CEP128: variants seen among roughly 807,000 people sequenced by gnomAD.
CEP128 encodes centrosomal protein 128, also known as centrosomal protein 128kDa.
CEP128 carries 132 observed loss-of-function variants against 156.7 expected under a neutral mutation model. The observed-to-expected ratio is 0.84, with a 90% CI of 0.73 to 0.97. The LOEUF is 0.97. Ranked by LOEUF, CEP128 falls within the 50% of genes least tolerant of loss-of-function variation. The pLI is 0.00. For missense variants in CEP128, 1,252 were observed against 1,281.9 expected (o/e 0.98, Z 0.36); for synonymous variants, 469 against 448.9 (o/e 1.04, Z -0.57).
chr14:80,674,202 C>T (rs1365269913), intron 19 of CEP128, among the ~76,000 whole-genome samples: 1 of 151,606 alleles, frequency 6.6e-6, no homozygotes, highest in Non-Finnish European at 1.5e-5. Flanking sequence ...TCTCTGAACC[C>T]AAGGAGATAA....
At chr14:80,680,466 C>T (rs927598355) in intron 19 of CEP128, among the ~76,000 whole-genome samples, 3 of 152,092 alleles carry the variant, frequency 2.0e-5, no homozygotes, top group African/African-American at 7.2e-5. Flanking sequence ...TCACCTGGTT[C>T]AGCAGCCAGT....
intron 19 of CEP128, among the ~76,000 whole-genome samples, chr14:80,704,397 TTA>T (rs1192170033): frequency 2.2e-4 from 33 of 152,164 alleles, no homozygotes; most frequent in African/African-American, 7.5e-4. Context: ...TTAAAAAAGT[TTA>T]TGAGTGTAAA....
chr14:80,653,336 T>TA (rs960387258), intron 19 of CEP128, among the ~76,000 whole-genome samples: 2 of 150,098 alleles, frequency 1.3e-5, no homozygotes, highest in African/African-American at 4.9e-5. Flanking sequence ...AGTTTAATAA[T>TA]AAAAAAAAAA....
intron 16 of CEP128, among the ~76,000 whole-genome samples, chr14:80,763,261 T>C (rs1483080953): frequency 7.9e-5 from 12 of 152,184 alleles, no homozygotes; most frequent in Non-Finnish European, 1.5e-5. Context: ...AGTATTTGCA[T>C]GGAGGGTGCT....
intron 8 of CEP128, among the ~76,000 whole-genome samples, chr14:80,892,297 G>A (rs1338089704): frequency 6.6e-6 from 1 of 151,818 alleles, no homozygotes; most frequent in African/African-American, 2.4e-5. Context: ...GCACCAATAG[G>A]ATACAATGAG....
intron 9 of CEP128, among the ~76,000 whole-genome samples, chr14:80,851,455 C>A (rs927101293): frequency 6.6e-5 from 10 of 152,050 alleles, no homozygotes; most frequent in Admixed American, 2.6e-4. Flanking sequence ...TCCAGTAAGA[C>A]ACTGAGAAGA....
intron 19 of CEP128, among the ~76,000 whole-genome samples, chr14:80,682,166 A>AGCTC (rs1312865915): frequency 6.6e-6 from 1 of 152,200 alleles, no homozygotes; most frequent in Non-Finnish European, 1.5e-5. Flanking sequence ...ATTGCAAGGA[A>AGCTC]GCTCAAGGAG....
At position 80,785,310 on chromosome 14, in the gene CEP128, C is replaced by T. The variant is rs1444684058; in HGVS notation, c.1796G>A (p.Ser599Asn). ...HRLESELKKQ[S>N]KIQSQMKVEK... ...AACTTTCATCTGGCTTTGGATCTTA[C>T]TCTGCTTTTTCAATTCGCTCTCCAG... Residue 599 changes from serine (S) to asparagine (N), a missense_variant, in exon 15 of 25, where the codon AGT (serine) becomes AAT (asparagine). Ser to Asn is a conservative substitution (Grantham distance 46). Transcript: ENST00000555265. 1 of 1,614,026 alleles carries T rather than the reference C, an allele frequency of 6.2e-7. No homozygotes were observed. Among genetic ancestry groups the T allele is most frequent in the Non-Finnish European group, 8.5e-7 (1 of 1,180,028 alleles).
chr14:80,944,789 T>G (rs548201713), upstream of CEP128, among the ~76,000 whole-genome samples: 4 of 114,206 alleles, frequency 3.5e-5, no homozygotes, highest in African/African-American at 1.4e-4. Flanking sequence ...GCCACTGCAC[T>G]GCAGCCTGGG....
chr14:80,870,202 C>A (rs1015340250), intron 8 of CEP128, among the ~76,000 whole-genome samples: 1 of 152,034 alleles, frequency 6.6e-6, no homozygotes, highest in African/African-American at 2.4e-5. Context: ...CCTTCTCAAG[C>A]TCTTCCAAAA....
chr14:80,951,142 T>C (rs1406326691), intron 2 of CEP128, among the ~76,000 whole-genome samples: 1 of 152,076 alleles, frequency 6.6e-6, no homozygotes, highest in Admixed American at 6.6e-5. Flanking sequence ...AACCAGCAGA[T>C]ATGTATGACA....
intron 10 of CEP128, 77 bp downstream of exon 10, chr14:80,840,605 C>T (rs538294130): frequency 3.5e-6 from 3 of 867,052 alleles, no homozygotes; most frequent in Non-Finnish European, 5.7e-6. Flanking sequence ...ATCCTGGGGA[C>T]ACTTTTCAAG....
At chr14:80,552,018 TTTGTTG>T (rs562350036) in intron 21 of CEP128, among the ~76,000 whole-genome samples, 4 of 152,112 alleles carry the variant, frequency 2.6e-5, no homozygotes, top group African/African-American at 7.2e-5. Context: ...TAGTCCTGTT[TTTGTTG>T]TTGTTGTTGT....
chr14:80,932,159 C>T (rs1007257444), intron 2 of CEP128, among the ~76,000 whole-genome samples: 3 of 152,342 alleles, frequency 2.0e-5, no homozygotes, highest in East Asian at 1.9e-4. Flanking sequence ...CCTTCCACCA[C>T]GATTGTAGGT....
chr14:80,639,505 C>T (rs1894324169), intron 19 of CEP128, among the ~76,000 whole-genome samples: 1 of 152,072 alleles, frequency 6.6e-6, no homozygotes, highest in Non-Finnish European at 1.5e-5. Flanking sequence ...ATTGTCTTTA[C>T]TATAATTAAA....
intron 19 of CEP128, among the ~76,000 whole-genome samples, chr14:80,669,678 G>T (rs1158306933): frequency 1.3e-5 from 2 of 152,114 alleles, no homozygotes; most frequent in Non-Finnish European, 2.9e-5. Context: ...TGTTGGCAAG[G>T]ATGTGGAGAA....
intron 19 of CEP128, among the ~76,000 whole-genome samples, chr14:80,656,446 G>A (rs1209052248): frequency 6.7e-6 from 1 of 149,424 alleles, no homozygotes; most frequent in Non-Finnish European, 1.5e-5. Context: ...TTCACTGAAA[G>A]CAAGGGCATG....
intron 13 of CEP128, among the ~76,000 whole-genome samples, chr14:80,810,708 T>C (rs935461453): frequency 2.0e-5 from 3 of 152,174 alleles, no homozygotes; most frequent in African/African-American, 2.4e-5. Flanking sequence ...TTTGGGAAGA[T>C]TGGTATTAGT....
intron 9 of CEP128, among the ~76,000 whole-genome samples, chr14:80,862,042 A>G (rs1037898155): frequency 3.3e-5 from 5 of 152,220 alleles, no homozygotes; most frequent in Non-Finnish European, 1.5e-5. Flanking sequence ...TCTTCATTCT[A>G]AATTTTCAAC....
Sources: gnomAD v4.1 joint callset for allele counts (sites outside exome capture counted in the v4.1 genomes callset) on GRCh38, gnomAD v4.1.1 for gene constraint, MANE v1.5 for transcripts, NCBI Gene and HGNC (gene_info 2026-07-23, HGNC 2026-07-21) for gene names.